Variants in REDIC1 observed in about 807,000 individuals in gnomAD.
REDIC1 encodes HEI10 Interacting Protein 1.
the REDIC1 span, chr12:39,788,802 G>A: frequency 5.3e-5 from 8 of 152,220 alleles, no homozygotes; most frequent in East Asian, 1.5e-3. Context: ...TTAGAAAGTA[G>A]CTCAACAATC....
chr12:39,706,246 A>G, the REDIC1 span, among the ~76,000 whole-genome samples: 1 of 151,982 alleles, frequency 6.6e-6, no homozygotes, highest in Non-Finnish European at 1.5e-5. Flanking sequence ...CCTAGGAATT[A>G]ACCAAGGAAG....
At chr12:39,796,599 G>T in the REDIC1 span, among the ~76,000 whole-genome samples, 1 of 152,046 alleles carries the variant, frequency 6.6e-6, no homozygotes, top group Non-Finnish European at 1.5e-5. Context: ...GCAGAAGCTA[G>T]AAAGTATAAT....
At chr12:39,826,371 T>C in the REDIC1 span, among the ~76,000 whole-genome samples, 7 of 151,900 alleles carry the variant, frequency 4.6e-5, no homozygotes. Context: ...AAATTCAATA[T>C]GAAGATCTTT....
the REDIC1 span, among the ~76,000 whole-genome samples, chr12:39,892,500 G>A: frequency 6.6e-6 from 1 of 152,134 alleles, no homozygotes; most frequent in Admixed American, 6.5e-5. Context: ...ACGCTTAACC[G>A]AACTTTAGTC....
chr12:39,663,885 T>C, the REDIC1 span, among the ~76,000 whole-genome samples: 3 of 152,066 alleles, frequency 2.0e-5, no homozygotes, highest in Non-Finnish European at 4.4e-5. Context: ...TCTTTTCTTT[T>C]TTGGCTTGGA....
chr12:39,852,857 C>A, the REDIC1 span, among the ~76,000 whole-genome samples: 1 of 152,162 alleles, frequency 6.6e-6, no homozygotes, highest in Non-Finnish European at 1.5e-5. Flanking sequence ...GATTGGTAGC[C>A]TTCCGAGACG....
the REDIC1 span, among the ~76,000 whole-genome samples, chr12:39,834,047 T>C: frequency 6.6e-6 from 1 of 152,064 alleles, no homozygotes; most frequent in African/African-American, 2.4e-5. Context: ...TACTATTAGA[T>C]CGTACCCTTT....
the REDIC1 span, among the ~76,000 whole-genome samples, chr12:39,903,575 C>T: frequency 6.6e-6 from 1 of 151,976 alleles, no homozygotes; most frequent in South Asian, 2.1e-4. Flanking sequence ...AGGTACGTGG[C>T]AAAAACCAAA....
At chr12:39,895,760 G>A in the REDIC1 span, among the ~76,000 whole-genome samples, 2 of 36,036 alleles carry the variant, frequency 5.6e-5, 1 homozygote, top group Non-Finnish European at 1.3e-4. Flanking sequence ...GCGTGTATAC[G>A]TACACACATG....
chr12:39,702,880 A>G, the REDIC1 span, among the ~76,000 whole-genome samples: 1 of 152,226 alleles, frequency 6.6e-6, no homozygotes, highest in Non-Finnish European at 1.5e-5. Flanking sequence ...GACACAATTC[A>G]ACAACCTTCA....
At chr12:39,716,217 G>A in the REDIC1 span, among the ~76,000 whole-genome samples, 1 of 151,826 alleles carries the variant, frequency 6.6e-6, no homozygotes, top group Non-Finnish European at 1.5e-5. Flanking sequence ...TACATAGTAG[G>A]GATTCATGAC....
the REDIC1 span, among the ~76,000 whole-genome samples, chr12:39,812,692 C>T: frequency 1.3e-5 from 2 of 151,860 alleles, no homozygotes; most frequent in Admixed American, 6.6e-5. Context: ...ATGCTGGTCT[C>T]GAATCCTGGC....
the REDIC1 span, among the ~76,000 whole-genome samples, chr12:39,735,518 A>G: frequency 3.3e-5 from 5 of 152,282 alleles, no homozygotes; most frequent in South Asian, 2.1e-4. Context: ...CAACAGAAAG[A>G]ACTTTAATAT....
chr12:39,833,306 T>G, the REDIC1 span, among the ~76,000 whole-genome samples: 9 of 152,090 alleles, frequency 5.9e-5, no homozygotes, highest in Non-Finnish European at 1.3e-4. Context: ...ATCCCTAATC[T>G]AGAACACCTA....
the REDIC1 span, chr12:39,716,828 G>T: frequency 2.1e-5 from 34 of 1,592,892 alleles, no homozygotes; most frequent in Non-Finnish European, 2.7e-5. Context: ...TTCAGTTCTA[G>T]TTCAGATTTG....
the REDIC1 span, among the ~76,000 whole-genome samples, chr12:39,832,084 A>G: frequency 6.6e-6 from 1 of 152,130 alleles, no homozygotes; most frequent in Non-Finnish European, 1.5e-5. Flanking sequence ...CTAGACAAAA[A>G]GCAAAAGAGA....
At chr12:39,862,017 G>A in the REDIC1 span, among the ~76,000 whole-genome samples, 1 of 152,130 alleles carries the variant, frequency 6.6e-6, no homozygotes, top group African/African-American at 2.4e-5. Flanking sequence ...TTATCCAAAA[G>A]CTCTCCCTTC....
chr12:39,752,128 C>T, the REDIC1 span, among the ~76,000 whole-genome samples: 1 of 152,134 alleles, frequency 6.6e-6, no homozygotes, highest in African/African-American at 2.4e-5. Flanking sequence ...GAATAAGTTC[C>T]ATGCTTTCAT....
chr12:39,634,690 G>A, the REDIC1 span, among the ~76,000 whole-genome samples: 1 of 151,694 alleles, frequency 6.6e-6, no homozygotes. Flanking sequence ...AACTCTAGAA[G>A]AACCTAGGCA....
Sources: gnomAD v4.1 joint callset for allele counts (sites outside exome capture counted in the v4.1 genomes callset) on GRCh38, gnomAD v4.1.1 for gene constraint, MANE v1.5 for transcripts, NCBI Gene and HGNC (gene_info 2026-07-23, HGNC 2026-07-21) for gene names.